The following KLF12 variants were observed in gnomAD, a reference collection of about 807,000 sequenced individuals.
The protein encoded by KLF12 is Krueppel-like factor 12.
In KLF12, 9 loss-of-function variants were observed where a neutral mutation model predicts 37.8. That is an observed-to-expected ratio of 0.24 (90% confidence interval 0.14 to 0.42). The LOEUF (loss-of-function observed/expected upper bound fraction) is 0.42. KLF12 is among the 10% of genes least tolerant of loss of function. KLF12 has a pLI of 1.00. For synonymous variants in KLF12, 208 were observed against 202.1 expected (o/e 1.03, Z -0.25); for missense variants, 411 against 516.0 (o/e 0.80, Z 1.97).
the KLF12 span, among the ~76,000 whole-genome samples, chr13:74,194,382 G>T: frequency 1.3e-5 from 2 of 152,192 alleles, no homozygotes; most frequent in African/African-American, 4.8e-5. Flanking sequence ...ATAAAAAAGA[G>T]ATATTTATTT....
chr13:73,880,683 A>G (rs1249459176), intron 3 of KLF12, among the ~76,000 whole-genome samples: 1 of 152,212 alleles, frequency 6.6e-6, no homozygotes, highest in Non-Finnish European at 1.5e-5. Flanking sequence ...GCTTTTAAGG[A>G]CCTATGGGAT....
chr13:73,868,771 G>C (rs1886324933), intron 3 of KLF12, among the ~76,000 whole-genome samples: 1 of 152,228 alleles, frequency 6.6e-6, no homozygotes, highest in Middle Eastern at 3.4e-3. Flanking sequence ...TAATAAGTTT[G>C]CTTCAAGAAT....
chr13:73,930,860 A>ATTTTTTTT (rs11432866), intron 3 of KLF12, among the ~76,000 whole-genome samples: 2 of 109,468 alleles, frequency 1.8e-5, no homozygotes, highest in African/African-American at 3.5e-5. Context: ...AACTGGAAAC[A>ATTTTTTTT]TTTTTTTTTT....
intron 6 of KLF12, among the ~76,000 whole-genome samples, chr13:73,724,451 G>A (rs1007010488): frequency 6.6e-6 from 1 of 152,128 alleles, no homozygotes; most frequent in Non-Finnish European, 1.5e-5. Flanking sequence ...ATATAAATCA[G>A]ACCAAGTAGA....
At chr13:73,859,652 T>G (rs972446655) in intron 3 of KLF12, among the ~76,000 whole-genome samples, 1 of 152,222 alleles carries the variant, frequency 6.6e-6, no homozygotes, top group Non-Finnish European at 1.5e-5. Flanking sequence ...TAATGTCTAT[T>G]TCTTATTTAG....
intron 7 of KLF12, among the ~76,000 whole-genome samples, chr13:73,700,133 GA>G (rs1022299418): frequency 2.0e-5 from 3 of 152,038 alleles, no homozygotes; most frequent in Admixed American, 6.6e-5. Context: ...CTGGTGTGGT[GA>G]CGTGCATCTG....
chr13:74,082,165 A>AAAAAAAT (rs1279559733), intron 1 of KLF12, among the ~76,000 whole-genome samples: 1 of 146,500 alleles, frequency 6.8e-6, no homozygotes, highest in African/African-American at 2.5e-5. Flanking sequence ...CTGTCTCTTA[A>AAAAAAAT]AAAAAAAAAA....
the KLF12 span, among the ~76,000 whole-genome samples, chr13:74,232,397 A>G: frequency 6.6e-6 from 1 of 152,328 alleles, no homozygotes; most frequent in South Asian, 2.1e-4. Flanking sequence ...TGGCAGTCTC[A>G]GTTTCTGCTA....
intron 2 of KLF12, among the ~76,000 whole-genome samples, chr13:73,959,124 C>CAAAAAAAAAAAAAAA (rs66521656): frequency 0.029 from 2,526 of 86,126 alleles, 235 homozygotes; most frequent in East Asian, 0.064. Context: ...ACCCCCCTTC[C>CAAAAAAAAAAAAAAA]AAAAAAAAAC....
chr13:74,195,364 C>T, the KLF12 span, among the ~76,000 whole-genome samples: 1 of 152,132 alleles, frequency 6.6e-6, no homozygotes, highest in Non-Finnish European at 1.5e-5. Flanking sequence ...GTGCGAACTG[C>T]AAGTCCACAC....
At chr13:73,775,550 T>C (rs1163034323) in intron 5 of KLF12, among the ~76,000 whole-genome samples, 7 of 152,214 alleles carry the variant, frequency 4.6e-5, no homozygotes, top group Admixed American at 4.6e-4. Context: ...GATATAAATA[T>C]ATTATTTTTC....
At chr13:74,122,960 T>TAAAAAA (rs58691841) in intron 1 of KLF12, among the ~76,000 whole-genome samples, 35 of 113,786 alleles carry the variant, frequency 3.1e-4, no homozygotes, top group Middle Eastern at 4.9e-3. Context: ...AACAGGTCAC[T>TAAAAAA]AAAAAAAAAA....
At chr13:73,774,304 C>A (rs139757376) in intron 5 of KLF12, among the ~76,000 whole-genome samples, 305 of 138,366 alleles carry the variant, frequency 2.2e-3, no homozygotes, top group Middle Eastern at 0.015. Context: ...ACACACACAT[C>A]TATATATATA....
intron 4 of KLF12, among the ~76,000 whole-genome samples, chr13:73,829,261 GA>G (rs1469587956): frequency 6.6e-6 from 1 of 152,154 alleles, no homozygotes; most frequent in Non-Finnish European, 1.5e-5. Flanking sequence ...TGAAAAATTG[GA>G]GATTAAAATT....
the KLF12 span, among the ~76,000 whole-genome samples, chr13:74,162,801 G>A: frequency 2.4e-4 from 36 of 152,038 alleles, no homozygotes; most frequent in African/African-American, 7.2e-4. Flanking sequence ...GAAAACAGCC[G>A]GAGATATGGA....
intron 1 of KLF12, among the ~76,000 whole-genome samples, chr13:74,056,940 G>C (rs1873278529): frequency 6.6e-6 from 1 of 152,148 alleles, no homozygotes. Flanking sequence ...TGGGTCTCTA[G>C]ATGAGCAAAA....
At chr13:73,894,720 T>C (rs1487756652) in intron 3 of KLF12, among the ~76,000 whole-genome samples, 1 of 152,160 alleles carries the variant, frequency 6.6e-6, no homozygotes, top group Non-Finnish European at 1.5e-5. Context: ...ATAATAATGA[T>C]TGTGCTAGGA....
intron 3 of KLF12, among the ~76,000 whole-genome samples, chr13:73,896,540 C>T (rs1252189403): frequency 6.6e-6 from 1 of 152,100 alleles, no homozygotes; most frequent in African/African-American, 2.4e-5. Context: ...TCAGCTTTAT[C>T]TATGAAGGAA....
At chr13:73,965,290 A>C (rs1239065241) in intron 2 of KLF12, among the ~76,000 whole-genome samples, 1 of 152,266 alleles carries the variant, frequency 6.6e-6, no homozygotes, top group African/African-American at 2.4e-5. Flanking sequence ...TACATATTTC[A>C]GACGAATAAT....
Sources: gnomAD v4.1 joint callset for allele counts (sites outside exome capture counted in the v4.1 genomes callset) on GRCh38, gnomAD v4.1.1 for gene constraint, MANE v1.5 for transcripts, NCBI Gene and HGNC (gene_info 2026-07-23, HGNC 2026-07-21) for gene names.